INTS7: variants seen among roughly 807,000 people sequenced by gnomAD.
The protein encoded by INTS7 is chromosome 1 open reading frame 73.
A neutral mutation model predicts 109.2 loss-of-function variants in INTS7; 46 were observed. The ratio of observed to expected loss-of-function variants is 0.42; its 90% confidence interval spans 0.33 to 0.54. The LOEUF (loss-of-function observed/expected upper bound fraction) is 0.54. Among genes scored for constraint, INTS7 ranks in the 20% least tolerant of loss-of-function variants. The pLI is 0.07. For missense variants in INTS7, 929 were observed against 1,132.4 expected (o/e 0.82, Z 2.58); for synonymous variants, 412 against 402.9 (o/e 1.02, Z -0.27).
At chr1:211,969,551 CTTTTTT>C (rs36104773) in intron 13 of INTS7, among the ~76,000 whole-genome samples, 1 of 85,018 alleles carries the variant, frequency 1.2e-5, no homozygotes, top group Non-Finnish European at 2.4e-5. Flanking sequence ...TTTTTCTTTT[CTTTTTT>C]TTTTTTTTTT....
chr1:211,987,980 C>T lies in INTS7; in HGVS notation c.903G>A (p.Gln301=). Residue 301 remains glutamine (Q), a synonymous_variant, in exon 8 of 20, where the codon CAG becomes CAA. Coordinates refer to ENST00000366994, the MANE Select transcript of INTS7 (RefSeq NM_015434.4). ...NIQALCECAL[Q]TPYDSLKLGM... ...CTAGTTTTAAGCTGTCATAAGGAGT[C>T]TGGAGGGCACACTCACAAAGTGCCT... 1.9e-6 allele frequency: 3 copies of T among 1,606,140 alleles called. No individual in the cohort carries two copies. The highest frequency in any genetic ancestry group is 2.6e-6 in the Non-Finnish European group (3 of 1,173,680).
At chr1:212,000,637 G>T (rs1028837194) in intron 7 of INTS7, among the ~76,000 whole-genome samples, 2 of 152,012 alleles carry the variant, frequency 1.3e-5, no homozygotes. Flanking sequence ...ATCTTACATG[G>T]CAATCCTCTA....
intron 1 of INTS7, among the ~76,000 whole-genome samples, chr1:212,022,049 C>T (rs867478291): frequency 8.5e-5 from 13 of 152,096 alleles, no homozygotes; most frequent in Admixed American, 3.9e-4. Flanking sequence ...CAGGTACCAA[C>T]ATAATTCAAT....
intron 7 of INTS7, among the ~76,000 whole-genome samples, chr1:212,003,897 CT>C (rs1188218594): frequency 1.3e-5 from 2 of 152,142 alleles, no homozygotes; most frequent in African/African-American, 4.8e-5. Flanking sequence ...AGAAACCCCC[CT>C]CTCCTCCAAA....
At chr1:212,024,125 T>C (rs556491481) in intron 1 of INTS7, among the ~76,000 whole-genome samples, 2 of 152,350 alleles carry the variant, frequency 1.3e-5, no homozygotes, top group African/African-American at 4.8e-5. Context: ...CAAAATAGTT[T>C]GAAATTGGGT....
intron 18 of INTS7, among the ~76,000 whole-genome samples, chr1:211,945,464 T>TA: frequency 6.6e-6 from 1 of 152,198 alleles, no homozygotes; most frequent in East Asian, 1.9e-4. Flanking sequence ...CACCTCTCAT[T>TA]AGTTTTTCTT....
At chr1:212,011,262 A>G in intron 5 of INTS7, 113 bp downstream of exon 5, 1 of 625,986 alleles carries the variant, frequency 1.6e-6, no homozygotes, top group African/African-American at 1.9e-5. Flanking sequence ...AAGATACTTA[A>G]TAAATATTAT....
At chr1:211,978,142 T>G in intron 11 of INTS7, 130 bp downstream of exon 11, 1 of 1,052,614 alleles carries the variant, frequency 9.5e-7, no homozygotes, top group South Asian at 1.5e-5. Flanking sequence ...CTCTTTGGTC[T>G]TAGGTAATGA....
intron 1 of INTS7, among the ~76,000 whole-genome samples, chr1:212,034,555 G>A (rs1667333503): frequency 6.6e-6 from 1 of 152,152 alleles, no homozygotes; most frequent in Non-Finnish European, 1.5e-5. Flanking sequence ...CATATTACTA[G>A]TCGAGTTCTT....
chr1:212,013,723 T>A (rs1419572442), intron 4 of INTS7, among the ~76,000 whole-genome samples: 1 of 152,208 alleles, frequency 6.6e-6, no homozygotes, highest in Non-Finnish European at 1.5e-5. Flanking sequence ...CTTTTCTATG[T>A]TTAGATATAC....
chr1:211,997,550 A>AG lies in INTS7; in HGVS notation c.879+9088dup, dbSNP rs199636018. 1.8e-3 allele frequency among the ~76,000 whole-genome samples: 254 copies of AG among 143,440 alleles called. 4 individuals are homozygous for AG. The highest frequency in any genetic ancestry group is 2.2e-3 in the South Asian group (10 of 4,518). 94.1% of individuals were successfully genotyped at this position (143,440 alleles called of 152,430 possible). On this transcript the variant is annotated intron_variant, in intron 7 of 19. Coordinates refer to ENST00000366994, the MANE Select transcript of INTS7 (RefSeq NM_015434.4). ...ACAGAAAAAAAAAAAAAAAAAAAAAAGGGAGAGATGTACCATGTTCATGGA... is the reference window on the plus strand; with the variant it reads ...ACAGAAAAAAAAAAAAAAAAAAAAAAGGGGAGAGATGTACCATGTTCATGGA...
intron 18 of INTS7, among the ~76,000 whole-genome samples, chr1:211,945,423 A>G (rs1662806496): frequency 6.6e-6 from 1 of 152,244 alleles, no homozygotes; most frequent in South Asian, 2.1e-4. Flanking sequence ...AAAAAAAGTC[A>G]ATATCTACAA....
At chr1:212,015,112 CGCCCCGTCCGGGAGGGAGGTGGGGGGCA>C (rs1324775352) in intron 4 of INTS7, among the ~76,000 whole-genome samples, 10 of 148,990 alleles carry the variant, frequency 6.7e-5, no homozygotes, top group Non-Finnish European at 1.2e-4. Context: ...CCCGGGCAGC[CGCCCCGTCCGGGAGGGAGGTGGGGGGCA>C]GCCCCTGCCC....
chr1:211,957,336 G>C lies in INTS7; in HGVS notation c.2184-4635C>G, dbSNP rs189187357. Among the ~76,000 whole-genome samples, 272 of 152,142 alleles carry C rather than the reference G, an allele frequency of 1.8e-3. 4 individuals are homozygous for C. The highest frequency in any genetic ancestry group is 3.4e-3 in the Middle Eastern group (1 of 294). ...TGAGGCGGGTGGATCACCTGAGGTC[G>C]GGAGTTTGAGACCAGCCTGACCAAT... On this transcript the variant is annotated intron_variant, in intron 16 of 19. Transcript: ENST00000366994.
At chr1:211,993,068 A>G (rs1351071524) in intron 7 of INTS7, among the ~76,000 whole-genome samples, 1 of 152,232 alleles carries the variant, frequency 6.6e-6, no homozygotes, top group Non-Finnish European at 1.5e-5. Flanking sequence ...GTCACCAGGG[A>G]TATGTTCCAG....
intron 1 of INTS7, among the ~76,000 whole-genome samples, chr1:212,023,451 G>A (rs1474792652): frequency 1.3e-5 from 2 of 152,174 alleles, no homozygotes; most frequent in Admixed American, 6.5e-5. Flanking sequence ...TTTGACTGGT[G>A]TGAGATGGTA....
Position 211,968,816 on chromosome 1 carries a change from A to T in INTS7, c.1816-109T>A, listed in dbSNP as rs1276539988. ...TGGTCAAGTGCAGTAGTTCTCTAAA[A>T]ACACTGACGGATAAAGACCTAAATG... is the stretch of plus-strand genomic sequence containing the variant. On this transcript the variant is annotated intron_variant, in intron 13 of 19. Coordinates refer to ENST00000366994, the MANE Select transcript of INTS7 (RefSeq NM_015434.4). 7.2e-6 allele frequency: 5 copies of T among 690,420 alleles called. No homozygotes were observed. In the South Asian group the frequency reaches 1.4e-4, roughly 19 times the overall value. The allele number at this position is 690,420 out of a possible 1,614,324, so 42.8% of individuals were successfully genotyped here.
In INTS7 at chr1:211,965,373, G is replaced by A. The variant is rs145798095; in HGVS notation, c.2183+1057C>T. 1.2e-4 allele frequency among the ~76,000 whole-genome samples: 18 copies of A among 152,270 alleles called. No homozygotes were observed. The East Asian group carries it at 3.3e-3, about 28-fold the overall frequency. On this transcript the variant is annotated intron_variant, in intron 16 of 19. Transcript: ENST00000366994. ...GGGAGTGTAAATTAGTTCAACCATC[G>A]TGGAAAGCACTGTGGTGATTCCTCA... is the stretch of plus-strand genomic sequence containing the variant.
chr1:211,987,901 A>G lies in INTS7; in HGVS notation c.982T>C (p.Phe328Leu). The G allele has an allele frequency of 4.4e-6, 7 of 1,583,366 alleles. No homozygotes were observed. The highest frequency in any genetic ancestry group is 6.1e-6 in the Non-Finnish European group (7 of 1,152,454). ...TTTTCCTTACCTGGAACTATACTGA[A>G]GTAATGTTTGATGGCGATGGTCCCT... The part of the protein sequence containing the change: ...LSGTIAIKHY[F>L]SIVPGNVSSS... Residue 328 changes from phenylalanine (F) to leucine (L), a missense_variant, in exon 8 of 20, where the codon TTC (phenylalanine) becomes CTC (leucine). Physicochemically the swap from Phe to Leu is conservative, Grantham distance 22. Coordinates refer to ENST00000366994, the MANE Select transcript of INTS7 (RefSeq NM_015434.4).
Sources: gnomAD v4.1 joint callset for allele counts (sites outside exome capture counted in the v4.1 genomes callset) on GRCh38, gnomAD v4.1.1 for gene constraint, MANE v1.5 for transcripts, NCBI Gene and HGNC (gene_info 2026-07-23, HGNC 2026-07-21) for gene names.